Variants in INKA2 observed in about 807,000 individuals in gnomAD.
INKA2 encodes the protein PAK4-inhibitor INKA2.
In INKA2, 3 loss-of-function variants were observed where a neutral mutation model predicts 9.8. That is an observed-to-expected ratio of 0.31 (90% CI 0.14 to 0.79). The LOEUF is 0.79. Among genes scored for constraint, INKA2 ranks in the 30% least tolerant of loss-of-function variants. INKA2 has a pLI of 0.62. For missense variants in INKA2, 392 were observed against 384.4 expected, an observed-to-expected ratio of 1.02 and a Z score of -0.17; for synonymous variants, 147 against 143.3, an observed-to-expected ratio of 1.03 and a Z score of -0.18.
chr1:111,752,055 T>A (rs993919821), intron 1 of INKA2, among the ~76,000 whole-genome samples: 6 of 152,212 alleles, frequency 3.9e-5, no homozygotes, highest in African/African-American at 1.4e-4. Flanking sequence ...GCTGGCATGA[T>A]GACCATTACC....
chr1:111,751,019 T>C (rs1206883153), intron 1 of INKA2, among the ~76,000 whole-genome samples: 1 of 152,232 alleles, frequency 6.6e-6, no homozygotes, highest in African/African-American at 2.4e-5. Context: ...CTGAGACTTG[T>C]CTGCCTGGTG....
At chr1:111,751,062 G>A (rs956118927) in intron 1 of INKA2, among the ~76,000 whole-genome samples, 8 of 152,174 alleles carry the variant, frequency 5.3e-5, no homozygotes, top group Non-Finnish European at 1.2e-4. Context: ...CCTGATGAAC[G>A]CCTTATTCAG....
intron 1 of INKA2, among the ~76,000 whole-genome samples, chr1:111,734,975 T>C (rs1000947): frequency 0.32 from 48,101 of 152,132 alleles, 8,544 homozygotes; most frequent in East Asian, 0.61. Flanking sequence ...GTTTGAATCC[T>C]GGCTCCTCCA....
intron 1 of INKA2, among the ~76,000 whole-genome samples, chr1:111,729,499 T>A (rs555936788): frequency 6.6e-5 from 10 of 152,162 alleles, no homozygotes; most frequent in Non-Finnish European, 1.5e-4. Flanking sequence ...GAGGGCCTAA[T>A]TTGGAGGCTG....
chr1:111,744,201 T>A (rs1214782224), upstream of INKA2, among the ~76,000 whole-genome samples: 1 of 152,170 alleles, frequency 6.6e-6, no homozygotes, highest in Non-Finnish European at 1.5e-5. Context: ...GCTGAGAGGA[T>A]GAAGTGGCCT....
At chr1:111,736,229 T>C (rs113383556) in intron 1 of INKA2, among the ~76,000 whole-genome samples, 1 of 152,248 alleles carries the variant, frequency 6.6e-6, no homozygotes, top group Non-Finnish European at 1.5e-5. Flanking sequence ...TCCTGCCACA[T>C]TTCATCCTTG....
At chr1:111,752,088 C>A (rs1296748871) in intron 1 of INKA2, among the ~76,000 whole-genome samples, 10 of 152,134 alleles carry the variant, frequency 6.6e-5, no homozygotes, top group Non-Finnish European at 2.9e-5. Flanking sequence ...TATTTTGAGT[C>A]TTCCTCCTTC....
rs533455609 is a variant in INKA2 at position 111,750,821 on chromosome 1, C to T, written n.124+4880G>A. 2.6e-5 allele frequency among the ~76,000 whole-genome samples: 4 copies of T among 152,348 alleles called. No homozygotes were observed. In the South Asian group the frequency reaches 8.3e-4, roughly 32 times the overall value. ...TTTACTGCTAAATAACACTACCCCC[C>T]TTTGGAAGAGCATAATGGATGAGGT... On this transcript the variant is annotated intron_variant and non_coding_transcript_variant, in intron 1 of 1. Coordinates refer to the INKA2 transcript ENST00000444059.
At chr1:111,736,534 C>T (rs1663012249) in intron 1 of INKA2, among the ~76,000 whole-genome samples, 1 of 152,188 alleles carries the variant, frequency 6.6e-6, no homozygotes, top group Non-Finnish European at 1.5e-5. Context: ...CAGGTTTATC[C>T]CACAGTGTCT....
upstream of INKA2, among the ~76,000 whole-genome samples, chr1:111,740,734 A>AGCATCCC (rs1663126650): frequency 6.6e-6 from 1 of 152,156 alleles, no homozygotes; most frequent in Non-Finnish European, 1.5e-5. Flanking sequence ...GCACTTTGAG[A>AGCATCCC]GGCCGAGACG....
intron 1 of INKA2, among the ~76,000 whole-genome samples, chr1:111,732,792 T>C (rs1401800654): frequency 6.6e-6 from 1 of 152,190 alleles, no homozygotes; most frequent in East Asian, 1.9e-4. Context: ...TCTCCATGGC[T>C]GCAGTTTAAA....
rs1663081376 is a variant in INKA2, at chr1:111,739,203, G to A, written c.40C>T (p.Arg14Cys). 6.2e-7 allele frequency: 1 copy of A among 1,613,684 alleles called. No individual in the cohort carries two copies. The highest frequency in any genetic ancestry group is 8.5e-7 in the Non-Finnish European group (1 of 1,179,746). Residue 14 changes from arginine to cysteine, a missense_variant, in exon 1 of 2, where the codon CGC becomes TGC. Coordinates refer to ENST00000357260, the MANE Select transcript of INKA2 (RefSeq NM_019099.5). ...GCTCTTACCAGCTCCTGTTTGAGGCGACGGAGATAGCAGTCCATTTCCCTG... is the reference window on the plus strand; with the variant it reads ...GCTCTTACCAGCTCCTGTTTGAGGCAACGGAGATAGCAGTCCATTTCCCTG... ...ESREMDCYLR[R>C]LKQELMSMKE...
chr1:111,730,225 C>T (rs1054451492), intron 1 of INKA2, among the ~76,000 whole-genome samples: 3 of 152,198 alleles, frequency 2.0e-5, no homozygotes, highest in African/African-American at 7.2e-5. Context: ...AAGCCCCAGA[C>T]CAAACTCAGT....
chr1:111,740,359 T>C (rs956579471), upstream of INKA2, among the ~76,000 whole-genome samples: 8 of 152,038 alleles, frequency 5.3e-5, no homozygotes, highest in Non-Finnish European at 8.8e-5. Flanking sequence ...ATAGGCTCGA[T>C]AGGCCGATGG....
At chr1:111,741,350 G>A (rs1474166844), upstream of INKA2, among the ~76,000 whole-genome samples, 3 of 152,182 alleles carry the variant, frequency 2.0e-5, no homozygotes, top group Admixed American at 6.5e-5. Context: ...CCAAGCCCAG[G>A]CAACTCTGGT....
At chr1:111,737,351 C>A (rs555631864) in intron 1 of INKA2, among the ~76,000 whole-genome samples, 3 of 152,276 alleles carry the variant, frequency 2.0e-5, no homozygotes, top group Admixed American at 1.3e-4. Context: ...CCTCCCCTCA[C>A]CACCTCCCAC....
At chr1:111,749,494 G>A (rs1663352803) in intron 1 of INKA2, among the ~76,000 whole-genome samples, 1 of 152,088 alleles carries the variant, frequency 6.6e-6, no homozygotes, top group Non-Finnish European at 1.5e-5. Context: ...CTCTGGTGCA[G>A]ACAGTTCAAA....
chr1:111,722,396 T>G lies in INKA2; in HGVS notation c.*4572A>C, dbSNP rs1662668882. On this transcript the variant is annotated 3_prime_UTR_variant, in exon 2 of 2. Transcript: ENST00000357260. The stretch of plus-strand genomic sequence containing the variant: ...ATAGGGGACTCTGGCAACTAAGACT[T>G]TACAGAGCAGAAAGAGCAGACCAGA... 6.6e-6 allele frequency: 1 copy of G among 152,440 alleles called. No homozygotes were observed. Among genetic ancestry groups the G allele is most frequent in the African/African-American group, 2.4e-5 (1 of 41,416 alleles). The allele number at this position is 152,440 out of a possible 1,614,324, so 9.4% of individuals were successfully genotyped here.
chr1:111,726,109 C>T lies in INKA2; in HGVS notation c.*859G>A. Reference sequence around the variant, plus strand: ...TCCAGCTTCTACTCTGCAGTTAGACCTAGGCTGTTCTGCCTCCTGGCTGCA... The same window carrying T: ...TCCAGCTTCTACTCTGCAGTTAGACTTAGGCTGTTCTGCCTCCTGGCTGCA... On this transcript the variant is annotated 3_prime_UTR_variant, in exon 2 of 2. Coordinates refer to ENST00000357260, the MANE Select transcript of INKA2 (RefSeq NM_019099.5). 7.5e-6 allele frequency: 3 copies of T among 398,630 alleles called. No homozygotes were observed. Among genetic ancestry groups the T allele is most frequent in the Non-Finnish European group, 1.3e-5 (3 of 226,064 alleles). The allele number at this position is 398,630 out of a possible 1,614,324, so 24.7% of individuals were successfully genotyped here.
Sources: allele counts gnomAD v4.1 joint callset (sites outside exome capture counted in the v4.1 genomes callset), GRCh38; gene constraint gnomAD v4.1.1; transcripts MANE v1.5; gene names NCBI Gene and HGNC (gene_info 2026-07-23, HGNC 2026-07-21).